TBC1D2: variants seen among roughly 807,000 people sequenced by gnomAD.
TBC1D2 encodes the protein TBC1 domain family member 2.
Under a neutral mutation model 91.1 loss-of-function variants are expected in TBC1D2, and 58 were observed. The observed-to-expected ratio is 0.64, with a 90% confidence interval of 0.52 to 0.79. The LOEUF (loss-of-function observed/expected upper bound fraction) is 0.79, where lower values mean the gene tolerates loss of function less well. Among genes scored for constraint, TBC1D2 ranks in the 30% least tolerant of loss-of-function variants. The pLI is 0.00. For synonymous variants in TBC1D2, 482 were observed against 511.5 expected, an observed-to-expected ratio of 0.94 and a Z score of 0.78; for missense variants, 1,080 against 1,208.3, an observed-to-expected ratio of 0.89 and a Z score of 1.57.
chr9:98,212,960 A>G (rs1828883962), intron 7 of TBC1D2, 148 bp downstream of exon 7: 11 of 804,948 alleles, frequency 1.4e-5, no homozygotes, highest in Non-Finnish European at 2.0e-5. Flanking sequence ...GGTCTGGAGA[A>G]GAACCTGATA....
intron 2 of TBC1D2, among the ~76,000 whole-genome samples, chr9:98,248,984 T>A (rs188112966): frequency 3.6e-4 from 55 of 152,352 alleles, no homozygotes; most frequent in African/African-American, 1.2e-3. Context: ...CAGAAGTCTC[T>A]GACTCAAAGT....
At chr9:98,209,828 C>T (rs528120052) in intron 8 of TBC1D2, among the ~76,000 whole-genome samples, 1 of 141,656 alleles carries the variant, frequency 7.1e-6, no homozygotes, top group South Asian at 2.2e-4. Flanking sequence ...CCCTTCCCCC[C>T]TTCCTTTCTT....
intron 1 of TBC1D2, among the ~76,000 whole-genome samples, chr9:98,254,289 T>C (rs1318790028): frequency 6.8e-6 from 1 of 148,002 alleles, no homozygotes; most frequent in African/African-American, 2.7e-5. Context: ...CTCTTGACAT[T>C]AGCACTCTGA....
chr9:98,253,679 T>A (rs1016662516), intron 1 of TBC1D2, among the ~76,000 whole-genome samples: 1 of 152,128 alleles, frequency 6.6e-6, no homozygotes, highest in African/African-American at 2.4e-5. Context: ...TTGCCACCTA[T>A]TTCTTCTTTC....
chr9:98,208,526 T>C, intron 9 of TBC1D2, 142 bp downstream of exon 9: 2 of 747,756 alleles, frequency 2.7e-6, no homozygotes. Flanking sequence ...GCTCAGGTGG[T>C]AATGCTCTCT....
intron 7 of TBC1D2, among the ~76,000 whole-genome samples, chr9:98,211,069 A>T (rs897486537): frequency 6.6e-6 from 1 of 152,242 alleles, no homozygotes. Context: ...TTCAGAAGAA[A>T]GAGGAGAGGG....
intron 6 of TBC1D2, 89 bp downstream of exon 6, chr9:98,220,744 G>A (rs112004477): frequency 5.3e-6 from 8 of 1,510,432 alleles, no homozygotes; most frequent in Non-Finnish European, 7.2e-6. Flanking sequence ...ACTCCACCTA[G>A]CAAACCCTTA....
chr9:98,239,370 G>A (rs1265375715), intron 3 of TBC1D2, among the ~76,000 whole-genome samples: 1 of 152,198 alleles, frequency 6.6e-6, no homozygotes, highest in African/African-American at 2.4e-5. Flanking sequence ...GTCTTTGTGA[G>A]AGGTTTTATC....
intron 5 of TBC1D2, among the ~76,000 whole-genome samples, chr9:98,226,364 C>T (rs1267815809): frequency 6.6e-6 from 1 of 152,146 alleles, no homozygotes; most frequent in African/African-American, 2.4e-5. Context: ...AAGAGATTGA[C>T]ATGGAGGGTA....
chr9:98,207,499 A>C (rs1025423919), intron 9 of TBC1D2, among the ~76,000 whole-genome samples: 1 of 152,196 alleles, frequency 6.6e-6, no homozygotes, highest in African/African-American at 2.4e-5. Flanking sequence ...CTCATCCCCT[A>C]ACCCCAGTCC....
intron 3 of TBC1D2, among the ~76,000 whole-genome samples, chr9:98,238,564 G>A (rs1190177999): frequency 2.2e-5 from 3 of 136,784 alleles, no homozygotes; most frequent in Non-Finnish European, 4.4e-5. Context: ...CAATCTGGAT[G>A]CCTAATTTCA....
chr9:98,250,277 TG>T (rs1281914473), intron 2 of TBC1D2, among the ~76,000 whole-genome samples: 2 of 152,034 alleles, frequency 1.3e-5, no homozygotes, highest in Non-Finnish European at 2.9e-5. Context: ...TCAGGAGGGA[TG>T]AGCCCTGAGT....
intron 3 of TBC1D2, among the ~76,000 whole-genome samples, chr9:98,241,280 C>A (rs956188717): frequency 1.1e-4 from 16 of 152,152 alleles, no homozygotes; most frequent in African/African-American, 3.9e-4. Flanking sequence ...AGGACTTAAC[C>A]ATGTGATGAT....
intron 4 of TBC1D2, among the ~76,000 whole-genome samples, chr9:98,229,487 G>T (rs1421622512): frequency 6.6e-6 from 1 of 152,198 alleles, no homozygotes; most frequent in African/African-American, 2.4e-5. Context: ...CCACCCTGCT[G>T]GTGTTTGCCA....
At chr9:98,232,084 G>A (rs1360322898) in intron 4 of TBC1D2, among the ~76,000 whole-genome samples, 1 of 152,138 alleles carries the variant, frequency 6.6e-6, no homozygotes, top group Admixed American at 6.5e-5. Flanking sequence ...GCATAATTCT[G>A]AGGATATACA....
At position 98,255,510 on chromosome 9, in the gene TBC1D2, G is replaced by A. The variant is rs1034886023; in HGVS notation, c.32C>T (p.Ser11Phe). The change falls in exon 1 of 13, where the codon TCC (serine) becomes TTC (phenylalanine). Residue 11 changes from serine (S) to phenylalanine (F), a missense_variant. Physicochemically the swap from Ser to Phe is radical, Grantham distance 155. Coordinates refer to ENST00000465784, the MANE Select transcript of TBC1D2 (RefSeq NM_001267571.2). Reference sequence around the variant, plus strand: ...TTCGGACCCAGGGGCAGAGGAGCTGGACTCCGGGGCGTTCTCCCCAGCGCC... The same window carrying A: ...TTCGGACCCAGGGGCAGAGGAGCTGAACTCCGGGGCGTTCTCCCCAGCGCC... MEGAGENAPE[S>F]SSSAPGSEES... 2 of 1,542,360 alleles carry A rather than the reference G, an allele frequency of 1.3e-6. No individual in the cohort carries two copies. Among genetic ancestry groups the A allele is most frequent in the African/African-American group, 2.7e-5 (2 of 72,906 alleles).
intron 9 of TBC1D2, among the ~76,000 whole-genome samples, chr9:98,206,418 G>A (rs1183975099): frequency 6.6e-6 from 1 of 152,150 alleles, no homozygotes; most frequent in African/African-American, 2.4e-5. Flanking sequence ...TCCCTTCTGC[G>A]CCTCTCTGTG....
At chr9:98,253,423 C>A (rs1390854749) in intron 1 of TBC1D2, among the ~76,000 whole-genome samples, 2 of 152,202 alleles carry the variant, frequency 1.3e-5, no homozygotes, top group Non-Finnish European at 2.9e-5. Flanking sequence ...TTCTGATGGG[C>A]TCCCTGAGTA....
At chr9:98,244,166 C>A in intron 2 of TBC1D2, 37 bp from the exon 3 acceptor site, 1 of 1,608,794 alleles carries the variant, frequency 6.2e-7, no homozygotes, top group South Asian at 1.1e-5. Context: ...TCAGCTGGGT[C>A]ACTGCACTTG....
Sources: allele counts gnomAD v4.1 joint callset (sites outside exome capture counted in the v4.1 genomes callset), GRCh38; gene constraint gnomAD v4.1.1; transcripts MANE v1.5; gene names NCBI Gene and HGNC (gene_info 2026-07-23, HGNC 2026-07-21).